The following DPP10 variants were observed in gnomAD, a reference collection of about 807,000 sequenced individuals.
DPP10 encodes dipeptidyl peptidase like 10.
Under a neutral mutation model 120.9 loss-of-function variants are expected in DPP10, and 33 were observed. The ratio of observed to expected loss-of-function variants is 0.27; its 90% CI spans 0.21 to 0.37. DPP10 has a LOEUF of 0.37. Ranked by LOEUF, DPP10 falls within the 10% of genes least tolerant of loss-of-function variation. The probability of loss-of-function intolerance (pLI) is 1.00; values close to 1 mark genes in which losing one functional copy is unlikely to be tolerated. For missense variants in DPP10, 816 were observed against 942.8 expected, an observed-to-expected ratio of 0.87 and a Z score of 1.76; for synonymous variants, 337 against 326.1, an observed-to-expected ratio of 1.03 and a Z score of -0.36.
At chr2:115,665,986 C>A (rs2089422662) in intron 5 of DPP10, among the ~76,000 whole-genome samples, 1 of 151,840 alleles carries the variant, frequency 6.6e-6, no homozygotes, top group Non-Finnish European at 1.5e-5. Context: ...TAGATTATTT[C>A]ATCACCCAGG....
intron 1 of DPP10, among the ~76,000 whole-genome samples, chr2:114,927,411 A>T (rs1017983976): frequency 6.6e-6 from 1 of 151,970 alleles, no homozygotes; most frequent in Non-Finnish European, 1.5e-5. Flanking sequence ...GAGAGACATG[A>T]GACATCAATC....
chr2:115,212,632 G>C (rs1038558116), intron 1 of DPP10, among the ~76,000 whole-genome samples: 7 of 152,138 alleles, frequency 4.6e-5, no homozygotes, highest in Admixed American at 3.9e-4. Flanking sequence ...AAGAAAAAAA[G>C]TATTTAACCT....
chr2:115,016,847 C>T (rs1303801738), intron 1 of DPP10, among the ~76,000 whole-genome samples: 1 of 151,954 alleles, frequency 6.6e-6, no homozygotes, highest in Non-Finnish European at 1.5e-5. Flanking sequence ...GAAAATGTGG[C>T]ACATATACAC....
At chr2:115,530,307 A>G (rs2078383635) in intron 5 of DPP10, among the ~76,000 whole-genome samples, 1 of 152,122 alleles carries the variant, frequency 6.6e-6, no homozygotes, top group African/African-American at 2.4e-5. Flanking sequence ...GGAAGAGGTG[A>G]TATGACACAA....
chr2:114,482,717 G>A (rs780025057), intron 1 of DPP10, among the ~76,000 whole-genome samples: 4 of 152,158 alleles, frequency 2.6e-5, no homozygotes, highest in Non-Finnish European at 4.4e-5. Context: ...TTGTTGACAA[G>A]CTTCAGATAG....
At chr2:115,622,233 CT>C (rs2149285319) in intron 5 of DPP10, among the ~76,000 whole-genome samples, 1 of 152,162 alleles carries the variant, frequency 6.6e-6, no homozygotes, top group Admixed American at 6.5e-5. Flanking sequence ...CTCTCTGTCT[CT>C]ATATATTTGC....
At chr2:114,714,730 T>C (rs1278098429) in intron 1 of DPP10, among the ~76,000 whole-genome samples, 1 of 152,112 alleles carries the variant, frequency 6.6e-6, no homozygotes, top group Non-Finnish European at 1.5e-5. Context: ...TAAATCTCCA[T>C]TACTTGACAC....
rs146324468 is a variant in DPP10 at position 115,217,393 on chromosome 2, G to C, written c.61-91846G>C. Among the ~76,000 whole-genome samples the C allele has an allele frequency of 2.6e-5, 4 of 152,178 alleles. No individual in the cohort carries two copies. In the East Asian group the frequency reaches 7.7e-4, roughly 29 times the overall value. On this transcript the variant is annotated intron_variant, in intron 1 of 25. Coordinates refer to ENST00000410059, the MANE Select transcript of DPP10 (RefSeq NM_020868.6). ...CTCATTCAATATTAATTCTGTTTTC[G>C]TGGATGATGGTTATTATCACCGTTG... is the stretch of plus-strand genomic sequence containing the variant.
intron 3 of DPP10, among the ~76,000 whole-genome samples, chr2:115,488,896 A>AG (rs1170380775): frequency 3.4e-5 from 5 of 147,314 alleles, no homozygotes; most frequent in African/African-American, 9.8e-5. Context: ...AAAAAAAAAA[A>AG]AAAATATGTA....
intron 1 of DPP10, among the ~76,000 whole-genome samples, chr2:115,029,460 T>A (rs1221641235): frequency 7.2e-5 from 11 of 151,968 alleles, no homozygotes; most frequent in African/African-American, 2.6e-4. Context: ...ATTAGCGTTT[T>A]TTTTTTTCTT....
At position 114,972,878 on chromosome 2, in the gene DPP10, T is replaced by C. The variant is rs541639096; in HGVS notation, c.61-336361T>C. Among the ~76,000 whole-genome samples, 7 of 152,312 alleles carry C rather than the reference T, an allele frequency of 4.6e-5. No homozygotes were observed. In the South Asian group the frequency reaches 1.5e-3, roughly 32 times the overall value. ...CAGAAGAATAGACGCATTGCAGTTC[T>C]TTTGGAAGGACGAAGGGGTCAATAT... On this transcript the variant is annotated intron_variant, in intron 1 of 25. Coordinates refer to ENST00000410059, the MANE Select transcript of DPP10 (RefSeq NM_020868.6).
chr2:115,402,876 T>G, intron 3 of DPP10, among the ~76,000 whole-genome samples: 1 of 115,004 alleles, frequency 8.7e-6, no homozygotes, highest in South Asian at 2.6e-4. Flanking sequence ...TATATATATA[T>G]GTGTGTGTGT....
intron 3 of DPP10, among the ~76,000 whole-genome samples, chr2:115,367,159 C>T (rs2065127949): frequency 6.6e-6 from 1 of 151,934 alleles, no homozygotes; most frequent in African/African-American, 2.4e-5. Flanking sequence ...ATAAATGCAG[C>T]CATTTGAATT....
chr2:115,123,399 G>T (rs987919384), intron 1 of DPP10, among the ~76,000 whole-genome samples: 3 of 152,158 alleles, frequency 2.0e-5, no homozygotes, highest in African/African-American at 7.2e-5. Flanking sequence ...CTGTTCACAT[G>T]CTCAGTGGCC....
rs1378325366 is a variant in DPP10, at chr2:115,499,616, ATAAT to A, written c.366+19_366+22del. The A allele has an allele frequency of 6.3e-6, 10 of 1,581,610 alleles. No individual in the cohort carries two copies. Among genetic ancestry groups the A allele is most frequent in the Non-Finnish European group, 8.7e-6 (10 of 1,152,292 alleles). On this transcript the variant is annotated intron_variant, in intron 4 of 25. Transcript: ENST00000410059. ...AAAACACAACTTTTGTAAGTAATGA[ATAAT>A]TAATTACTTTATGCATTTCAGTACT...
At chr2:114,901,258 C>A (rs1425603363) in intron 1 of DPP10, among the ~76,000 whole-genome samples, 1 of 152,120 alleles carries the variant, frequency 6.6e-6, no homozygotes, top group African/African-American at 2.4e-5. Context: ...AATGCAGTGG[C>A]ATGAACTCTG....
At chr2:115,133,145 GTATA>G (rs1246180843) in intron 1 of DPP10, among the ~76,000 whole-genome samples, 61 of 28,770 alleles carry the variant, frequency 2.1e-3, no homozygotes, top group African/African-American at 4.2e-3. Context: ...GTGTGTGTGT[GTATA>G]TATATATATA....
chr2:115,159,889 G>C (rs550367556), intron 1 of DPP10, among the ~76,000 whole-genome samples: 1 of 152,160 alleles, frequency 6.6e-6, no homozygotes, highest in African/African-American at 2.4e-5. Context: ...TCTCCCTCCA[G>C]CATGTACTTA....
At chr2:115,485,283 T>A (rs954264194) in intron 3 of DPP10, among the ~76,000 whole-genome samples, 1 of 149,848 alleles carries the variant, frequency 6.7e-6, no homozygotes, top group Non-Finnish European at 1.5e-5. Context: ...AGCCTACATA[T>A]GCTTGAGAAG....
Sources: gnomAD v4.1 joint callset for allele counts (sites outside exome capture counted in the v4.1 genomes callset) on GRCh38, gnomAD v4.1.1 for gene constraint, MANE v1.5 for transcripts, NCBI Gene and HGNC (gene_info 2026-07-23, HGNC 2026-07-21) for gene names.